Variants in SNX6 observed in about 807,000 individuals in gnomAD.
The protein encoded by SNX6 is sorting nexin-6.
Under a neutral mutation model 63.0 loss-of-function variants are expected in SNX6, and 34 were observed. The ratio of observed to expected loss-of-function variants is 0.54; its 90% CI spans 0.41 to 0.72. SNX6 has a LOEUF of 0.72. Among genes scored for constraint, SNX6 ranks in the 30% least tolerant of loss-of-function variants. SNX6 has a pLI of 0.00. For missense variants in SNX6, 398 were observed against 471.4 expected (o/e 0.84, Z 1.44); for synonymous variants, 170 against 164.2 (o/e 1.04, Z -0.27).
At chr14:34,568,135 G>T in intron 11 of SNX6, 122 bp from the exon 12 acceptor site, 25 of 635,322 alleles carry the variant, frequency 3.9e-5, no homozygotes, top group South Asian at 6.1e-5. Flanking sequence ...CTACATGCCA[G>T]TTACTCCAAT....
At chr14:34,610,098 C>A (rs905740927) in intron 2 of SNX6, among the ~76,000 whole-genome samples, 1 of 151,450 alleles carries the variant, frequency 6.6e-6, no homozygotes, top group Non-Finnish European at 1.5e-5. Context: ...AATCCCAGCA[C>A]TTTAGGAGGC....
intron 9 of SNX6, 31 bp downstream of exon 9, chr14:34,586,199 C>A (rs769106881): frequency 6.8e-7 from 1 of 1,465,416 alleles, no homozygotes; most frequent in Non-Finnish European, 9.5e-7. Flanking sequence ...CCGCGCCCAG[C>A]CTATTTCACG....
chr14:34,579,601 C>T (rs1881855559), intron 10 of SNX6, among the ~76,000 whole-genome samples: 2 of 151,850 alleles, frequency 1.3e-5, no homozygotes, highest in Non-Finnish European at 1.5e-5. Context: ...AGTGAGACCC[C>T]GTCTCTAAAA....
intron 9 of SNX6, among the ~76,000 whole-genome samples, chr14:34,581,957 T>C (rs943049261): frequency 2.6e-5 from 4 of 152,006 alleles, no homozygotes; most frequent in African/African-American, 9.7e-5. Flanking sequence ...GCCTCCCGAA[T>C]AGCTGGGACT....
chr14:34,562,891 G>A lies in SNX6; in HGVS notation c.*231C>T. ...AACTTTGGACTTCTGAGTATGACGA[G>A]TGCACGATGATGGACCACTGTCATG... On this transcript the variant is annotated 3_prime_UTR_variant, in exon 14 of 14. Coordinates refer to ENST00000362031, the MANE Select transcript of SNX6 (RefSeq NM_152233.4). 1 of 533,794 alleles carries A rather than the reference G, an allele frequency of 1.9e-6. No homozygotes were observed. The allele number at this position is 533,794 out of a possible 1,614,324, so 33.1% of individuals were successfully genotyped here.
chr14:34,627,773 A>C (rs1883886737), intron 2 of SNX6, among the ~76,000 whole-genome samples: 1 of 152,000 alleles, frequency 6.6e-6, no homozygotes, highest in African/African-American at 2.4e-5. Context: ...TACAGGCGTG[A>C]GCCACCGTGC....
chr14:34,620,913 A>G (rs1007396046), intron 2 of SNX6, among the ~76,000 whole-genome samples: 1 of 152,022 alleles, frequency 6.6e-6, no homozygotes, highest in East Asian at 1.9e-4. Context: ...CTGCACTCCA[A>G]CCTGGGTGAT....
intron 2 of SNX6, among the ~76,000 whole-genome samples, chr14:34,617,049 T>TTGA (rs1445200404): frequency 4.6e-5 from 7 of 152,156 alleles, no homozygotes; most frequent in African/African-American, 1.7e-4. Flanking sequence ...ACCACTGCAC[T>TTGA]CCAGCCTGGT....
chr14:34,617,021 G>A (rs1883441504), intron 2 of SNX6, among the ~76,000 whole-genome samples: 1 of 152,158 alleles, frequency 6.6e-6, no homozygotes. Context: ...GGCGGAGGCT[G>A]CAGTGAGCCG....
intron 6 of SNX6, 54 bp downstream of exon 6, chr14:34,603,294 A>G (rs1882896074): frequency 3.3e-6 from 5 of 1,535,822 alleles, no homozygotes; most frequent in African/African-American, 1.4e-5. Context: ...TCAAAAAAAA[A>G]AAGAAGAAGA....
At chr14:34,596,915 A>G (rs1882627627) in intron 7 of SNX6, among the ~76,000 whole-genome samples, 1 of 152,020 alleles carries the variant, frequency 6.6e-6, no homozygotes, top group African/African-American at 2.4e-5. Flanking sequence ...CAAATGATCC[A>G]CCCACCTTGG....
chr14:34,601,047 G>C lies in SNX6; in HGVS notation c.516+2301C>G, dbSNP rs548370352. ...AAAAAGAGAGTTTTTAGGCAGGGAA[G>C]GAAAAAATAAGGAGTGATCAGCACC... On this transcript the variant is annotated intron_variant, in intron 6 of 13. Transcript: ENST00000362031. Among the ~76,000 whole-genome samples the C allele has an allele frequency of 3.3e-5, 5 of 151,926 alleles. No homozygotes were observed. In the South Asian group the frequency reaches 8.3e-4, roughly 25 times the overall value.
intron 8 of SNX6, among the ~76,000 whole-genome samples, chr14:34,589,162 T>TA (rs1247321664): frequency 4.6e-5 from 7 of 151,778 alleles, no homozygotes; most frequent in Admixed American, 4.6e-4. Flanking sequence ...AAAGAAAATA[T>TA]AAAGATTCTA....
At chr14:34,587,446 T>C (rs1882215704) in intron 8 of SNX6, among the ~76,000 whole-genome samples, 2 of 134,224 alleles carry the variant, frequency 1.5e-5, no homozygotes, top group Non-Finnish European at 1.5e-5. Flanking sequence ...GGCAGGAGAA[T>C]GGCGTGAACC....
chr14:34,607,885 G>A (rs960246766), intron 4 of SNX6, 145 bp downstream of exon 4: 3 of 445,258 alleles, frequency 6.7e-6, no homozygotes, highest in African/African-American at 6.1e-5. Flanking sequence ...TCCAGCCTGG[G>A]CAACAGAGTG....
At chr14:34,592,623 G>A (rs1263255479) in intron 8 of SNX6, among the ~76,000 whole-genome samples, 2 of 152,134 alleles carry the variant, frequency 1.3e-5, no homozygotes, top group Non-Finnish European at 2.9e-5. Flanking sequence ...ATGGTGGTAC[G>A]ATCCATCACA....
intron 2 of SNX6, among the ~76,000 whole-genome samples, chr14:34,614,458 T>C (rs1460130189): frequency 6.7e-6 from 1 of 148,936 alleles, no homozygotes; most frequent in African/African-American, 2.5e-5. Context: ...ACCAAAAAAC[T>C]CCAAAACCAG....
At chr14:34,568,143 AAT>A in intron 11 of SNX6, 130 bp from the exon 12 acceptor site, 8 of 620,322 alleles carry the variant, frequency 1.3e-5, no homozygotes, top group Middle Eastern at 1.0e-3. Context: ...CAGTTACTCC[AAT>A]TTTTTTTTTT....
At chr14:34,626,612 C>T (rs1007913709) in intron 2 of SNX6, among the ~76,000 whole-genome samples, 5 of 143,834 alleles carry the variant, frequency 3.5e-5, no homozygotes, top group African/African-American at 1.1e-4. Flanking sequence ...GAGCTTGCAG[C>T]GAGCTGAGAT....
Sources: gnomAD v4.1 joint callset for allele counts (sites outside exome capture counted in the v4.1 genomes callset) on GRCh38, gnomAD v4.1.1 for gene constraint, MANE v1.5 for transcripts, NCBI Gene and HGNC (gene_info 2026-07-23, HGNC 2026-07-21) for gene names.